PTBP3: variants seen among roughly 807,000 people sequenced by gnomAD.
The protein encoded by PTBP3 is polypyrimidine tract-binding protein 3.
PTBP3 carries 20 observed loss-of-function variants against 58.7 expected under a neutral mutation model. The observed-to-expected ratio is 0.34, with a 90% CI of 0.24 to 0.50. The LOEUF is 0.50. Among genes scored for constraint, PTBP3 ranks in the 20% least tolerant of loss-of-function variants. The probability of loss-of-function intolerance (pLI) is 0.98; values close to 1 mark genes in which losing one functional copy is unlikely to be tolerated. For synonymous variants in PTBP3, 185 were observed against 219.8 expected (o/e 0.84, Z 1.40); for missense variants, 509 against 637.2 (o/e 0.80, Z 2.17).
chr9:112,320,314 A>ATATATATATATATATATATATTT, intron 1 of PTBP3, among the ~76,000 whole-genome samples: 23 of 75,676 alleles, frequency 3.0e-4, no homozygotes, highest in South Asian at 1.5e-3. Context: ...ATATATATAT[A>ATATATATATATATATATATATTT]TTTTTTTTTA....
At chr9:112,370,844 T>G in the PTBP3 span, among the ~76,000 whole-genome samples, 1 of 152,208 alleles carries the variant, frequency 6.6e-6, no homozygotes, top group Non-Finnish European at 1.5e-5. Flanking sequence ...TCTTGCATTT[T>G]TTGGCTAAAT....
chr9:112,330,410 T>G (rs1830320518), intron 1 of PTBP3: 6 of 1,432,158 alleles, frequency 4.2e-6, no homozygotes, highest in Non-Finnish European at 5.8e-6. Flanking sequence ...GATATAAAAA[T>G]GCATATGAAA....
chr9:112,221,817 GT>G lies in PTBP3; in HGVS notation c.*2033del. On this transcript the variant is annotated 3_prime_UTR_variant, in exon 14 of 14. Transcript: ENST00000374257. ...TAAACAATCTGTATCATCTCTTGCA[GT>G]CTCTATTTTTTGGTAAAATTTCTTC... 1 of 984,944 alleles carries G rather than the reference GT, an allele frequency of 1.0e-6. No homozygotes were observed. Among genetic ancestry groups the G allele is most frequent in the Non-Finnish European group, 1.2e-6 (1 of 829,518 alleles). The allele number at this position is 984,944 out of a possible 1,614,324, so 61.0% of individuals were successfully genotyped here.
chr9:112,246,991 C>CA (rs1835905249), intron 7 of PTBP3, among the ~76,000 whole-genome samples: 1 of 152,030 alleles, frequency 6.6e-6, no homozygotes, highest in South Asian at 2.1e-4. Flanking sequence ...AGACATTCTA[C>CA]AAAAAATATC....
the PTBP3 span, among the ~76,000 whole-genome samples, chr9:112,367,141 TTA>T: frequency 2.0e-5 from 3 of 152,222 alleles, no homozygotes; most frequent in Non-Finnish European, 2.9e-5. Context: ...TTCCCACATT[TTA>T]TGTTATTGAT....
Position 112,221,252 on chromosome 9 carries a change from T to C in PTBP3, c.*2599A>G, listed in dbSNP as rs1318648041. ...ACAACTTTAGAAGAGTGTATTTATG[T>C]ATATACACTTATCTACACACACACA... On this transcript the variant is annotated 3_prime_UTR_variant, in exon 14 of 14. Coordinates refer to ENST00000374257, the MANE Select transcript of PTBP3 (RefSeq NM_001163788.4). The C allele has an allele frequency of 1.0e-6, 1 of 984,934 alleles. No homozygotes were observed. Among genetic ancestry groups the C allele is most frequent in the East Asian group, 1.1e-4 (1 of 8,818 alleles). The allele number at this position is 984,934 out of a possible 1,614,324, so 61.0% of individuals were successfully genotyped here. A position where few individuals can be genotyped will look rare whatever the true frequency, so the allele number is the denominator to read the frequency against.
chr9:112,339,506 G>T, the PTBP3 span, among the ~76,000 whole-genome samples: 1 of 150,468 alleles, frequency 6.6e-6, no homozygotes, highest in African/African-American at 2.4e-5. Flanking sequence ...CTCTTGGATT[G>T]TTGTTATTTT....
intron 1 of PTBP3, among the ~76,000 whole-genome samples, chr9:112,320,279 T>TAAA (rs35381625): frequency 0.13 from 5,535 of 43,092 alleles, 558 homozygotes; most frequent in East Asian, 0.18. Context: ...CCCTTTCTCT[T>TAAA]AAAAAAAAAA....
At chr9:112,250,506 C>A (rs1000502398) in intron 7 of PTBP3, among the ~76,000 whole-genome samples, 1 of 152,054 alleles carries the variant, frequency 6.6e-6, no homozygotes, top group Non-Finnish European at 1.5e-5. Context: ...AAATCCTCTT[C>A]TTTGAATAAA....
At chr9:112,233,631 C>T (rs1374099683) in intron 8 of PTBP3, among the ~76,000 whole-genome samples, 1 of 151,964 alleles carries the variant, frequency 6.6e-6, no homozygotes, top group Non-Finnish European at 1.5e-5. Context: ...TCCTCTCCAT[C>T]AAAAAGAGAG....
intron 3 of PTBP3, among the ~76,000 whole-genome samples, chr9:112,268,441 T>TG (rs1482412666): frequency 6.6e-6 from 1 of 152,140 alleles, no homozygotes; most frequent in African/African-American, 2.4e-5. Context: ...CAACTGTAAT[T>TG]CCAGCTACTT....
At chr9:112,347,389 G>A in the PTBP3 span, among the ~76,000 whole-genome samples, 1 of 148,720 alleles carries the variant, frequency 6.7e-6, no homozygotes, top group Admixed American at 6.7e-5. Flanking sequence ...CACCCAGGCT[G>A]GAGTGCAGTG....
chr9:112,279,274 A>T (rs1827755993), intron 2 of PTBP3, among the ~76,000 whole-genome samples: 1 of 152,230 alleles, frequency 6.6e-6, no homozygotes, highest in African/African-American at 2.4e-5. Context: ...ATACAAAAAT[A>T]AGCATTCAAA....
chr9:112,331,528 T>A (rs1369246908), intron 1 of PTBP3, among the ~76,000 whole-genome samples: 1 of 152,248 alleles, frequency 6.6e-6, no homozygotes, highest in Non-Finnish European at 1.5e-5. Context: ...CCACGTAGAT[T>A]TTTTATTTTT....
At chr9:112,252,652 A>C in intron 6 of PTBP3, 26 bp downstream of exon 6, 1 of 1,504,522 alleles carries the variant, frequency 6.6e-7, no homozygotes, top group Non-Finnish European at 9.2e-7. Flanking sequence ...TTAACAATTG[A>C]AAAATGAAAC....
At chr9:112,242,270 C>T (rs1349744937) in intron 7 of PTBP3, among the ~76,000 whole-genome samples, 1 of 152,168 alleles carries the variant, frequency 6.6e-6, no homozygotes, top group East Asian at 1.9e-4. Context: ...ACAGGAACTA[C>T]AGGTGTGCTG....
At chr9:112,331,499 G>A (rs947193972) in intron 1 of PTBP3, among the ~76,000 whole-genome samples, 4 of 152,204 alleles carry the variant, frequency 2.6e-5, no homozygotes, top group African/African-American at 9.6e-5. Context: ...TCTAGATGAT[G>A]TAAACTGTTT....
At chr9:112,315,032 C>T (rs1829646948) in intron 1 of PTBP3, among the ~76,000 whole-genome samples, 1 of 151,982 alleles carries the variant, frequency 6.6e-6, no homozygotes, top group Non-Finnish European at 1.5e-5. Flanking sequence ...GGAGTGTCAC[C>T]GTGTTAGCCA....
At chr9:112,332,667 A>G (rs1427669794) in intron 1 of PTBP3, 2 of 1,257,026 alleles carry the variant, frequency 1.6e-6, no homozygotes, top group Admixed American at 2.7e-5. Flanking sequence ...CTGAGTCCCC[A>G]GAGAACAGTT....
Sources: gnomAD v4.1 joint callset for allele counts (sites outside exome capture counted in the v4.1 genomes callset) on GRCh38, gnomAD v4.1.1 for gene constraint, MANE v1.5 for transcripts, NCBI Gene and HGNC (gene_info 2026-07-23, HGNC 2026-07-21) for gene names.